The following ADGRG4 variants were observed in gnomAD, a reference collection of about 807,000 sequenced individuals.
The protein encoded by ADGRG4 is G protein-coupled receptor 112.
A neutral mutation model predicts 126.2 loss-of-function variants in ADGRG4; 122 were observed. The observed-to-expected ratio is 0.97, with a 90% confidence interval of 0.83 to 1.12. The LOEUF (loss-of-function observed/expected upper bound fraction) is 1.12. Among genes scored for constraint, ADGRG4 ranks in the 50% most tolerant of loss-of-function variants. The probability of loss-of-function intolerance (pLI) is 0.00; values close to 1 mark genes in which losing one functional copy is unlikely to be tolerated. For missense variants in ADGRG4, 2,481 were observed against 2,251.8 expected (o/e 1.10, Z -2.06); for synonymous variants, 943 against 838.7 (o/e 1.12, Z -2.15).
intron 21 of ADGRG4, among the ~76,000 whole-genome samples, chrX:136,400,799 G>A (rs979974497): frequency 3.9e-4 from 44 of 112,334 alleles, no homozygotes; most frequent in African/African-American, 1.2e-3. Flanking sequence ...AGCCAGGAAT[G>A]GTTCTCAGCA....
intron 15 of ADGRG4, among the ~76,000 whole-genome samples, chrX:136,380,610 T>C (rs747698862): frequency 1.1e-3 from 61 of 53,808 alleles, no homozygotes; most frequent in Middle Eastern, 8.7e-3. Flanking sequence ...CCTCCTCTTC[T>C]TCTTCTTCTT....
At chrX:136,301,502 G>A (rs190083026) in intron 1 of ADGRG4, among the ~76,000 whole-genome samples, 206 of 111,543 alleles carry the variant, frequency 1.8e-3, no homozygotes, top group Non-Finnish European at 2.6e-3. Context: ...TTGTCAGATG[G>A]GTAGATTGTA....
At chrX:136,355,019 G>A (rs754416327) in intron 8 of ADGRG4, among the ~76,000 whole-genome samples, 1 of 111,533 alleles carries the variant, frequency 9.0e-6, no homozygotes, top group East Asian at 2.8e-4. Flanking sequence ...TTTCTGGAGA[G>A]GGTCTTAAGA....
intron 5 of ADGRG4, among the ~76,000 whole-genome samples, chrX:136,327,561 A>G (rs2074881938): frequency 9.1e-6 from 1 of 109,933 alleles, no homozygotes; most frequent in Non-Finnish European, 1.9e-5. Context: ...ACACATAGGT[A>G]TATTTAGATC....
chrX:136,408,506 A>G (rs1376438932), intron 23 of ADGRG4, among the ~76,000 whole-genome samples: 1 of 112,372 alleles, frequency 8.9e-6, no homozygotes, highest in Non-Finnish European at 1.9e-5. Context: ...ACTTAGCGTA[A>G]TAGCTCCTAG....
chrX:136,307,435 C>A (rs2074741160), intron 3 of ADGRG4, among the ~76,000 whole-genome samples: 1 of 112,445 alleles, frequency 8.9e-6, no homozygotes, highest in African/African-American at 3.2e-5. Context: ...TTTTGCAAGT[C>A]ATGAAAGATT....
At chrX:136,324,256 C>G (rs1004501648) in intron 5 of ADGRG4, among the ~76,000 whole-genome samples, 1 of 111,949 alleles carries the variant, frequency 8.9e-6, no homozygotes, top group African/African-American at 3.2e-5. Context: ...TCTTACCATA[C>G]TTTCACCCAA....
At chrX:136,367,287 A>G (rs938285683) in intron 13 of ADGRG4, among the ~76,000 whole-genome samples, 1 of 112,059 alleles carries the variant, frequency 8.9e-6, no homozygotes, top group Non-Finnish European at 1.9e-5. Flanking sequence ...CTTGCTGAGG[A>G]CTATCTAGAA....
chrX:136,379,245 C>G (rs2075245424), intron 15 of ADGRG4, among the ~76,000 whole-genome samples: 1 of 111,607 alleles, frequency 9.0e-6, no homozygotes, highest in South Asian at 3.7e-4. Context: ...TTTCATCTAA[C>G]TTGTCAAGCT....
At chrX:136,312,651 A>ATAAAC (rs1236019976) in intron 4 of ADGRG4, among the ~76,000 whole-genome samples, 2 of 111,771 alleles carry the variant, frequency 1.8e-5, no homozygotes, top group African/African-American at 6.5e-5. Context: ...ATAAAATAAA[A>ATAAAC]TAAACAGCTT....
chrX:136,344,457 AC>A lies in ADGRG4; in HGVS notation c.752del (p.Thr251IlefsTer8), dbSNP rs1218676023. 8.4e-7 allele frequency: 1 copy of A among 1,189,022 alleles called. No individual in the cohort carries two copies. The highest frequency in any genetic ancestry group is 2.2e-5 in the Admixed American group (1 of 45,396). On this transcript the variant is annotated frameshift_variant, in exon 6 of 26. Transcript: ENST00000394143. LOFTEE classifies it high-confidence loss of function. ...TGTTTCACAACAGATAGATATGACCACTCCATCCCAAATTACTGGAGTAAAA... is the reference window on the plus strand; with the variant it reads ...TGTTTCACAACAGATAGATATGACCATCCATCCCAAATTACTGGAGTAAAA... The part of the protein sequence containing the change: ...TTVSQQIDMT[T>X]PSQITGVKPQ...
intron 15 of ADGRG4, among the ~76,000 whole-genome samples, chrX:136,383,628 GTT>G (rs1205502252): frequency 9.0e-6 from 1 of 111,145 alleles, no homozygotes; most frequent in Non-Finnish European, 1.9e-5. Context: ...GGAGCGTGTA[GTT>G]TTTTTAACAT....
intron 8 of ADGRG4, among the ~76,000 whole-genome samples, chrX:136,354,835 C>T (rs1423711477): frequency 1.8e-5 from 2 of 111,463 alleles, no homozygotes; most frequent in South Asian, 3.8e-4. Context: ...ATGTGTAAGG[C>T]GAGGTAAGGG....
At chrX:136,335,824 T>C (rs745872167) in intron 5 of ADGRG4, among the ~76,000 whole-genome samples, 2 of 111,583 alleles carry the variant, frequency 1.8e-5, no homozygotes, top group South Asian at 3.7e-4. Context: ...ATTTGCTCCA[T>C]TGATTTTTCT....
At chrX:136,308,708 G>T in intron 3 of ADGRG4, 61 bp from the exon 4 acceptor site, 2 of 655,134 alleles carry the variant, frequency 3.1e-6, no homozygotes, top group Non-Finnish European at 2.5e-6. Context: ...GGTCACATAC[G>T]CTTAGAAATT....
Position 136,416,563 on chromosome X carries a change from T to C in ADGRG4, c.*72T>C. The C allele has an allele frequency of 1.1e-6, 1 of 875,418 alleles. No homozygotes were observed. Among genetic ancestry groups the C allele is most frequent in the Non-Finnish European group, 1.7e-6 (1 of 606,049 alleles). 72.1% of individuals were successfully genotyped at this position (875,418 alleles called of 1,213,427 possible). On this transcript the variant is annotated 3_prime_UTR_variant, in exon 26 of 26. Transcript: ENST00000394143. ...GAAATAAAAATGAATTCCAAGTGTA[T>C]ACTTGCTCGGGTGATGGGTGCACCA...
intron 13 of ADGRG4, among the ~76,000 whole-genome samples, chrX:136,364,422 A>G (rs769791193): frequency 8.9e-6 from 1 of 111,923 alleles, no homozygotes; most frequent in South Asian, 3.7e-4. Flanking sequence ...TCTTAACAAT[A>G]TATTGCAGAG....
intron 6 of ADGRG4, 36 bp downstream of exon 6, chrX:136,350,469 A>G (rs370145136): frequency 3.5e-6 from 4 of 1,153,978 alleles, no homozygotes; most frequent in Non-Finnish European, 4.6e-6. Context: ...TAGCCCCAAC[A>G]GAATTCATGC....
At chrX:136,316,258 A>G (rs1437889427) in intron 4 of ADGRG4, among the ~76,000 whole-genome samples, 1 of 111,354 alleles carries the variant, frequency 9.0e-6, no homozygotes, top group Non-Finnish European at 1.9e-5. Flanking sequence ...CTGGAACCAC[A>G]GTCCCCCAAA....
Sources: allele counts gnomAD v4.1 joint callset (sites outside exome capture counted in the v4.1 genomes callset), GRCh38; gene constraint gnomAD v4.1.1; transcripts MANE v1.5; gene names NCBI Gene and HGNC (gene_info 2026-07-23, HGNC 2026-07-21).